PLCD1: variants seen among roughly 807,000 people sequenced by gnomAD.
PLCD1 encodes the protein 1-phosphatidylinositol 4,5-bisphosphate phosphodiesterase delta-1.
Under a neutral mutation model 87.4 loss-of-function variants are expected in PLCD1, and 71 were observed. That is an observed-to-expected ratio of 0.81 (90% CI 0.67 to 0.99). The LOEUF (loss-of-function observed/expected upper bound fraction) is 0.99. Among genes scored for constraint, PLCD1 ranks in the 50% least tolerant of loss-of-function variants. The pLI is 0.00. For missense variants in PLCD1, 867 were observed against 1,001.5 expected (o/e 0.87, Z 1.81); for synonymous variants, 348 against 399.2 (o/e 0.87, Z 1.53).
chr3:38,026,669 G>A (rs1430999786), intron 1 of PLCD1, among the ~76,000 whole-genome samples: 1 of 152,238 alleles, frequency 6.6e-6, no homozygotes, highest in Non-Finnish European at 1.5e-5. Flanking sequence ...AAGCCCAGGG[G>A]CAGACTGCTT....
chr3:38,020,216 C>T lies in PLCD1; in HGVS notation c.171G>A (p.Lys57=), dbSNP rs779250132. The change falls in exon 2 of 15, where the codon AAG becomes AAA. Residue 57 remains lysine (K), a synonymous_variant. Coordinates refer to ENST00000334661, the MANE Select transcript of PLCD1 (RefSeq NM_006225.4). ...GCTGGGACTCCGGGGTCCGCATGAC[C>T]TTGCGGGACTCCTGCCAGATGGTCT... The part of the protein sequence containing the change: ...DCKTIWQESR[K]VMRTPESQLF... 39 of 1,614,006 alleles carry T rather than the reference C, an allele frequency of 2.4e-5. No homozygotes were observed. The highest frequency in any genetic ancestry group is 7.7e-5 in the South Asian group (7 of 91,090).
intron 1 of PLCD1, among the ~76,000 whole-genome samples, chr3:38,027,638 CAG>C (rs1275015195): frequency 1.3e-5 from 2 of 152,214 alleles, no homozygotes; most frequent in East Asian, 1.9e-4. Flanking sequence ...GGGCTCCTTC[CAG>C]AGAGTGTGGA....
intron 4 of PLCD1, 22 bp from the exon 5 acceptor site, chr3:38,011,467 G>C (rs1343229683): frequency 1.9e-6 from 3 of 1,613,602 alleles, no homozygotes; most frequent in Non-Finnish European, 1.7e-6. Flanking sequence ...GGACAGCCGA[G>C]TGGGCTCAGA....
At chr3:38,012,535 G>A (rs1049867951) in intron 3 of PLCD1, among the ~76,000 whole-genome samples, 2 of 141,014 alleles carry the variant, frequency 1.4e-5, no homozygotes, top group African/African-American at 2.7e-5. Flanking sequence ...TTTTTTTTTG[G>A]AGACGGAGTC....
rs992123069 is a variant in PLCD1, at chr3:38,013,179, C to T, written c.429-1506G>A. ...TGCTAGGACTAGAGGTGTGAGCCGC[C>T]GAGCCCAGCCTTTCTGGATTTTAAT... is the stretch of plus-strand genomic sequence containing the variant. On this transcript the variant is annotated intron_variant, in intron 3 of 14. Coordinates refer to ENST00000334661, the MANE Select transcript of PLCD1 (RefSeq NM_006225.4). 3.3e-5 allele frequency among the ~76,000 whole-genome samples: 5 copies of T among 149,786 alleles called. No homozygotes were observed. The East Asian group carries it at 7.9e-4, about 24-fold the overall frequency.
Position 38,018,530 on chromosome 3 carries a change from G to A in PLCD1, c.199+1658C>T, listed in dbSNP as rs747381302. ...TGTCCCAATACAAGGTCCTCCTCTC[G>A]CCAGCTCAAATGTGGTTCCTGCGGG... On this transcript the variant is annotated intron_variant, in intron 2 of 14. Transcript: ENST00000334661. This position sits in a 1 kb window ranked among gnomAD's most constrained non-coding sequence, Gnocchi z 5.7. Among the ~76,000 whole-genome samples, 9 of 151,998 alleles carry A rather than the reference G, an allele frequency of 5.9e-5. No individual in the cohort carries two copies. Among genetic ancestry groups the A allele is most frequent in the Non-Finnish European group, 8.8e-5 (6 of 68,012 alleles).
At chr3:38,028,384 A>C (rs1341277457) in intron 1 of PLCD1, among the ~76,000 whole-genome samples, 1 of 152,246 alleles carries the variant, frequency 6.6e-6, no homozygotes, top group Non-Finnish European at 1.5e-5. Context: ...CAGGAGGACC[A>C]GGTCTGTGCC....
intron 1 of PLCD1, among the ~76,000 whole-genome samples, chr3:38,029,216 G>T (rs1432766833): frequency 6.6e-6 from 1 of 152,268 alleles, no homozygotes; most frequent in Non-Finnish European, 1.5e-5. Flanking sequence ...TCATGACCAG[G>T]ACAAGGGGGT....
chr3:38,026,232 A>G (rs1700306769), intron 1 of PLCD1, among the ~76,000 whole-genome samples: 1 of 152,182 alleles, frequency 6.6e-6, no homozygotes, highest in Non-Finnish European at 1.5e-5. Flanking sequence ...TAAAAACATG[A>G]TCCTGGCCGG....
chr3:38,028,117 G>A (rs1329053950), intron 1 of PLCD1, among the ~76,000 whole-genome samples: 1 of 152,242 alleles, frequency 6.6e-6, no homozygotes, highest in Non-Finnish European at 1.5e-5. Flanking sequence ...TGAGGATGAA[G>A]CCTGTTCCAA....
intron 2 of PLCD1, 131 bp from the exon 3 acceptor site, chr3:38,016,850 C>G: frequency 2.7e-6 from 2 of 730,842 alleles, no homozygotes. Flanking sequence ...GAGCTCAGGC[C>G]TTGAGTCCAG....
chr3:38,020,413 T>G, intron 1 of PLCD1, 61 bp from the exon 2 acceptor site: 1 of 1,526,162 alleles, frequency 6.6e-7, no homozygotes, highest in South Asian at 1.1e-5. Flanking sequence ...GCCCTAGGCC[T>G]CACACTGGCC....
intron 1 of PLCD1, among the ~76,000 whole-genome samples, chr3:38,029,055 C>T (rs558943287): frequency 6.6e-6 from 1 of 152,402 alleles, no homozygotes; most frequent in Non-Finnish European, 1.5e-5. Flanking sequence ...CTCCGCCACA[C>T]CCGCGCGGCC....
chr3:38,009,164 G>GGGAGGTGT lies in PLCD1; in HGVS notation c.1607-14_1607-7dup, dbSNP rs1242228790. 6 of 1,613,998 alleles carry GGGAGGTGT rather than the reference G, an allele frequency of 3.7e-6. No homozygotes were observed. Among genetic ancestry groups the GGGAGGTGT allele is most frequent in the Non-Finnish European group, 4.2e-6 (5 of 1,179,838 alleles). On this transcript the variant is annotated splice_region_variant and splice_polypyrimidine_tract_variant and intron_variant, in intron 10 of 14. Transcript: ENST00000334661. The stretch of plus-strand genomic sequence containing the variant: ...GTGGCGGACAAAGCCGTTTCCTGAG[G>GGGAGGTGT]GGAGGTGTGGTTCGGTCAGCAGTGG...
intron 11 of PLCD1, 67 bp from the exon 12 acceptor site, chr3:38,008,703 A>G: frequency 7.1e-7 from 1 of 1,412,814 alleles, no homozygotes; most frequent in South Asian, 1.2e-5. Context: ...CAGCCTGCTC[A>G]GGGTACACTA....
In PLCD1 at chr3:38,010,009, T is replaced by G. The variant is rs774553125; in HGVS notation, c.1182A>C (p.Thr394=). ...GCGCCATCACGCGCTGCTGCTCCAG[T>G]GTGCAGTGGTTCTCCAGGGATAGGA... is the stretch of plus-strand genomic sequence containing the variant. The part of the protein sequence containing the change: ...PVILSLENHC[T]LEQQRVMARH... The change falls in exon 8 of 15, where the codon ACA becomes ACC. Residue 394 remains threonine, a synonymous_variant. Coordinates refer to ENST00000334661, the MANE Select transcript of PLCD1 (RefSeq NM_006225.4). 66 of 1,614,020 alleles carry G rather than the reference T, an allele frequency of 4.1e-5. No individual in the cohort carries two copies. Among genetic ancestry groups the G allele is most frequent in the Non-Finnish European group, 5.6e-5 (66 of 1,179,998 alleles).
At position 38,017,743 on chromosome 3, in the gene PLCD1, T is replaced by TGTGA; in HGVS notation, c.200-1025_200-1024insTCAC. Among the ~76,000 whole-genome samples the TGTGA allele has an allele frequency of 6.6e-6, 1 of 152,308 alleles. No individual in the cohort carries two copies. Among genetic ancestry groups the TGTGA allele is most frequent in the Middle Eastern group, 3.4e-3 (1 of 294 alleles). On this transcript the variant is annotated intron_variant, in intron 2 of 14. Coordinates refer to ENST00000334661, the MANE Select transcript of PLCD1 (RefSeq NM_006225.4). This position sits in a 1 kb window ranked among gnomAD's most constrained non-coding sequence, Gnocchi z 4.7. Reference sequence around the variant, plus strand: ...TAGCTGAAGTCCACCTGTCCCTCCCTGTGCCCACCCACTCTGAGTGCCCAG... The same window carrying TGTGA: ...TAGCTGAAGTCCACCTGTCCCTCCCTGTGAGTGCCCACCCACTCTGAGTGCCCAG...
chr3:38,009,247 G>T (rs1158907141), intron 10 of PLCD1, 25 bp downstream of exon 10: 10 of 1,613,754 alleles, frequency 6.2e-6, no homozygotes, highest in African/African-American at 1.3e-5. Flanking sequence ...ACAGAGCAGG[G>T]GAGTGGTGGG....
chr3:38,007,808 C>CTGA lies in PLCD1; in HGVS notation c.2233_2235dup (p.Ser745dup), dbSNP rs757748125. On this transcript the variant is annotated inframe_insertion, in exon 15 of 15. Coordinates refer to ENST00000334661, the MANE Select transcript of PLCD1 (RefSeq NM_006225.4). Reference sequence around the variant, plus strand: ...AGGGAGATCTTCACAAAGAGGGTGGCTGATGGATGCTGGTCCCCGTTCTTA... The same window carrying CTGA: ...AGGGAGATCTTCACAAAGAGGGTGGCTGATGATGGATGCTGGTCCCCGTTCTTA... 6.2e-7 allele frequency: 1 copy of CTGA among 1,614,194 alleles called. No individual in the cohort carries two copies. Among genetic ancestry groups the CTGA allele is most frequent in the East Asian group, 2.2e-5 (1 of 44,878 alleles).
Sources: gnomAD v4.1 joint callset for allele counts (sites outside exome capture counted in the v4.1 genomes callset) on GRCh38, gnomAD v4.1.1 for gene constraint, Gnocchi (gnomAD v3.1) non-coding constraint, MANE v1.5 for transcripts, NCBI Gene and HGNC (gene_info 2026-07-23, HGNC 2026-07-21) for gene names.